The following LANCL2 variants were observed in gnomAD, a reference collection of about 807,000 sequenced individuals.
LANCL2 encodes the protein LanC like glutathione S-transferase 2, also known as lanC-like protein 2.
In LANCL2, 33 loss-of-function variants were observed where a neutral mutation model predicts 56.9. The observed-to-expected ratio is 0.58, with a 90% CI of 0.44 to 0.78. LANCL2 has a LOEUF of 0.78. Among genes scored for constraint, LANCL2 ranks in the 30% least tolerant of loss-of-function variants. The probability of loss-of-function intolerance (pLI) is 0.00; values close to 1 mark genes in which losing one functional copy is unlikely to be tolerated. For missense variants in LANCL2, 562 were observed against 580.2 expected (o/e 0.97, Z 0.32); for synonymous variants, 233 against 228.2 (o/e 1.02, Z -0.19).
At chr7:55,393,794 AC>A (rs1233180212) in intron 2 of LANCL2, among the ~76,000 whole-genome samples, 1 of 152,214 alleles carries the variant, frequency 6.6e-6, no homozygotes, top group Non-Finnish European at 1.5e-5. Context: ...ACACTTATAA[AC>A]CCAGACAGAC....
intron 5 of LANCL2, among the ~76,000 whole-genome samples, chr7:55,402,475 G>T (rs1347300714): frequency 7.4e-6 from 1 of 134,272 alleles, no homozygotes; most frequent in African/African-American, 2.8e-5. Context: ...GGGCAGAGGG[G>T]CTCCTCTCCT....
intron 1 of LANCL2, among the ~76,000 whole-genome samples, chr7:55,377,986 C>T (rs1307364179): frequency 6.6e-6 from 1 of 152,158 alleles, no homozygotes; most frequent in Non-Finnish European, 1.5e-5. Flanking sequence ...AGCCCAGGAA[C>T]TTTAGAAGTA....
Position 55,365,894 on chromosome 7 carries a change from C to G in LANCL2, c.-132C>G, listed in dbSNP as rs1789854567. The G allele has an allele frequency of 1.5e-6, 1 of 649,236 alleles. No individual in the cohort carries two copies. The highest frequency in any genetic ancestry group is 4.2e-5 in the Admixed American group (1 of 23,912). The allele number at this position is 649,236 out of a possible 1,614,324, so 40.2% of individuals were successfully genotyped here. A position where few individuals can be genotyped will look rare whatever the true frequency, so the allele number is the denominator to read the frequency against. On this transcript the variant is annotated 5_prime_UTR_variant, in exon 1 of 9. Coordinates refer to ENST00000254770, the MANE Select transcript of LANCL2 (RefSeq NM_018697.4). Reference sequence around the variant, plus strand: ...GTGCACGCTCAGACGCCCCGCTCCTCCCGCCAGCGCGCGGCCTCGCTCCTC... The same window carrying G: ...GTGCACGCTCAGACGCCCCGCTCCTGCCGCCAGCGCGCGGCCTCGCTCCTC...
chr7:55,377,410 GTGTC>G (rs1790015697), intron 1 of LANCL2, among the ~76,000 whole-genome samples: 3 of 152,130 alleles, frequency 2.0e-5, no homozygotes, highest in Admixed American at 2.0e-4. Context: ...GTATCACCCA[GTGTC>G]TGTCTGCCAT....
chr7:55,430,219 A>G (rs1790713225), intron 8 of LANCL2, among the ~76,000 whole-genome samples: 1 of 152,262 alleles, frequency 6.6e-6, no homozygotes, highest in African/African-American at 2.4e-5. Context: ...AAAAACTTAC[A>G]GAGAAGGCTG....
At chr7:55,386,775 A>T (rs569635653) in intron 1 of LANCL2, among the ~76,000 whole-genome samples, 1 of 152,274 alleles carries the variant, frequency 6.6e-6, no homozygotes, top group Admixed American at 6.5e-5. Context: ...CTTCCTGCTG[A>T]CTAGGTCATA....
At chr7:55,410,987 A>G (rs911426478) in intron 5 of LANCL2, among the ~76,000 whole-genome samples, 3 of 152,000 alleles carry the variant, frequency 2.0e-5, no homozygotes, top group Non-Finnish European at 4.4e-5. Flanking sequence ...TGATGTTAAC[A>G]TGTCACTCTG....
intron 7 of LANCL2, among the ~76,000 whole-genome samples, chr7:55,426,917 C>T (rs753927489): frequency 5.9e-5 from 9 of 152,098 alleles, no homozygotes; most frequent in South Asian, 4.1e-4. Flanking sequence ...GCGAGAAGAC[C>T]GCAGGAGGGG....
intron 6 of LANCL2, among the ~76,000 whole-genome samples, chr7:55,415,340 A>G (rs1471072028): frequency 6.6e-6 from 1 of 152,238 alleles, no homozygotes; most frequent in Non-Finnish European, 1.5e-5. Context: ...TTGTGCCCAC[A>G]CGCCTGCCCT....
At chr7:55,395,366 G>A (rs1025891434) in intron 2 of LANCL2, among the ~76,000 whole-genome samples, 1 of 152,104 alleles carries the variant, frequency 6.6e-6, no homozygotes, top group Non-Finnish European at 1.5e-5. Flanking sequence ...TTCACAAAGC[G>A]GAGGTAAAGA....
At chr7:55,414,211 G>T in intron 6 of LANCL2, among the ~76,000 whole-genome samples, 1 of 152,280 alleles carries the variant, frequency 6.6e-6, no homozygotes, top group Non-Finnish European at 1.5e-5. Flanking sequence ...ACCCTGCGCC[G>T]TGGAGTCTGC....
intron 7 of LANCL2, chr7:55,428,054 G>A (rs1182568384): frequency 1.1e-5 from 4 of 356,950 alleles, no homozygotes; most frequent in Non-Finnish European, 1.6e-5. Context: ...CAGGCGTTTC[G>A]AGTTGCTTCT....
intron 7 of LANCL2, among the ~76,000 whole-genome samples, 156 bp downstream of exon 7, chr7:55,425,586 C>T (rs1201772530): frequency 6.6e-6 from 1 of 152,176 alleles, no homozygotes; most frequent in Non-Finnish European, 1.5e-5. Context: ...TGTGGTTTCT[C>T]TGGGCCACAG....
intron 1 of LANCL2, among the ~76,000 whole-genome samples, chr7:55,385,987 T>C (rs2128992262): frequency 6.6e-6 from 1 of 152,308 alleles, no homozygotes; most frequent in South Asian, 2.1e-4. Context: ...CCATTTGCTT[T>C]TGAAAGAAGA....
In LANCL2 at chr7:55,431,474, T is replaced by C. The variant is rs1583770326; in HGVS notation, c.*154T>C. Reference sequence around the variant, plus strand: ...TAGCATGAGTGACCGAAGCCATCCATCAACATTTTCTAACAGCACCCTCAT... The same window carrying C: ...TAGCATGAGTGACCGAAGCCATCCACCAACATTTTCTAACAGCACCCTCAT... On this transcript the variant is annotated 3_prime_UTR_variant, in exon 9 of 9. Coordinates refer to ENST00000254770, the MANE Select transcript of LANCL2 (RefSeq NM_018697.4). 5.4e-6 allele frequency: 3 copies of C among 550,564 alleles called. No individual in the cohort carries two copies. In the South Asian group the frequency reaches 7.7e-5, roughly 14 times the overall value. 34.1% of individuals were successfully genotyped at this position (550,564 alleles called of 1,614,324 possible). A position where few individuals can be genotyped will look rare whatever the true frequency, so the allele number is the denominator to read the frequency against.
At chr7:55,369,034 C>A (rs186631498) in intron 1 of LANCL2, among the ~76,000 whole-genome samples, 3 of 152,140 alleles carry the variant, frequency 2.0e-5, no homozygotes, top group Non-Finnish European at 2.9e-5. Context: ...AAGAAGATGG[C>A]CATGTGATGA....
At chr7:55,420,717 A>C (rs1483043211) in intron 6 of LANCL2, among the ~76,000 whole-genome samples, 1 of 152,240 alleles carries the variant, frequency 6.6e-6, no homozygotes, top group Non-Finnish European at 1.5e-5. Flanking sequence ...GTGTGAATGA[A>C]CCATCATGAC....
chr7:55,391,852 G>A lies in LANCL2; in HGVS notation c.264G>A (p.Met88Ile). 6.2e-7 allele frequency: 1 copy of A among 1,613,192 alleles called. No homozygotes were observed. The highest frequency in any genetic ancestry group is 8.5e-7 in the Non-Finnish European group (1 of 1,179,244). Residue 88 changes from methionine to isoleucine, a missense_variant, in exon 2 of 9, where the codon ATG becomes ATA. Coordinates refer to ENST00000254770, the MANE Select transcript of LANCL2 (RefSeq NM_018697.4). ...QTKIKDLLQQ[M>I]EEGLKTADPH... ...AAATTAAAGATCTTCTGCAGCAAAT[G>A]GAAGAAGGGCTGAAGACAGCTGATC...
At chr7:55,383,531 T>G (rs2128992017) in intron 1 of LANCL2, among the ~76,000 whole-genome samples, 1 of 152,334 alleles carries the variant, frequency 6.6e-6, no homozygotes, top group East Asian at 1.9e-4. Flanking sequence ...TGGGCAGATC[T>G]AGTTTTTAAT....
Sources: gnomAD v4.1 joint callset for allele counts (sites outside exome capture counted in the v4.1 genomes callset) on GRCh38, gnomAD v4.1.1 for gene constraint, MANE v1.5 for transcripts, NCBI Gene and HGNC (gene_info 2026-07-23, HGNC 2026-07-21) for gene names.